AKAP19: variants seen among roughly 807,000 people sequenced by gnomAD.
AKAP19 encodes small A-kinase anchoring protein.
chr2:189,910,447 G>A, the AKAP19 span, among the ~76,000 whole-genome samples: 1 of 151,864 alleles, frequency 6.6e-6, no homozygotes, highest in Admixed American at 6.6e-5. Flanking sequence ...TTTCCTGAGA[G>A]TGAATATGGT....
the AKAP19 span, among the ~76,000 whole-genome samples, chr2:189,954,925 G>T: frequency 6.6e-6 from 1 of 152,050 alleles, no homozygotes; most frequent in Non-Finnish European, 1.5e-5. Flanking sequence ...AAACTATTCA[G>T]TTAGCAAATT....
At chr2:190,144,687 T>G in the AKAP19 span, among the ~76,000 whole-genome samples, 1 of 152,220 alleles carries the variant, frequency 6.6e-6, no homozygotes, top group Non-Finnish European at 1.5e-5. Context: ...ACATAAAAAT[T>G]TATTCTGGGC....
the AKAP19 span, among the ~76,000 whole-genome samples, chr2:190,092,583 A>T: frequency 6.6e-6 from 1 of 152,130 alleles, no homozygotes; most frequent in African/African-American, 2.4e-5. Context: ...GTAGGTTTGC[A>T]TAGACCTGTC....
At chr2:189,934,361 GA>G in the AKAP19 span, among the ~76,000 whole-genome samples, 11 of 152,018 alleles carry the variant, frequency 7.2e-5, no homozygotes, top group African/African-American at 2.4e-4. Flanking sequence ...AATTTGTAAT[GA>G]ACAGATGCAG....
the AKAP19 span, among the ~76,000 whole-genome samples, chr2:189,953,559 T>C: frequency 6.8e-6 from 1 of 146,414 alleles, no homozygotes; most frequent in South Asian, 2.1e-4. Context: ...TCTTGAACCT[T>C]GGAGGCGGAA....
the AKAP19 span, among the ~76,000 whole-genome samples, chr2:190,109,557 C>A: frequency 7.2e-5 from 11 of 151,838 alleles, no homozygotes; most frequent in Non-Finnish European, 1.3e-4. Context: ...GGGAGGGGGA[C>A]TCTTGCCGAT....
At chr2:190,125,080 C>T in the AKAP19 span, among the ~76,000 whole-genome samples, 58 of 152,154 alleles carry the variant, frequency 3.8e-4, no homozygotes, top group African/African-American at 1.4e-3. Flanking sequence ...CCTGAAGGAC[C>T]TTCTGGAGGC....
chr2:190,031,963 T>C, the AKAP19 span, among the ~76,000 whole-genome samples: 1,571 of 152,338 alleles, frequency 0.01, 21 homozygotes, highest in African/African-American at 0.036. Context: ...ATCTTCAGTG[T>C]TTATCATTAT....
chr2:189,953,158 T>A, the AKAP19 span, among the ~76,000 whole-genome samples: 2 of 152,068 alleles, frequency 1.3e-5, no homozygotes, highest in African/African-American at 4.8e-5. Flanking sequence ...ATAGGGAAAG[T>A]GGGGACAGGC....
At chr2:190,199,893 A>G in the AKAP19 span, 141 of 1,613,944 alleles carry the variant, frequency 8.7e-5, no homozygotes, top group East Asian at 3.0e-3. Flanking sequence ...AAACTTTCCC[A>G]TTTCCTACCA....
the AKAP19 span, among the ~76,000 whole-genome samples, chr2:190,126,590 A>G: frequency 6.6e-6 from 1 of 151,982 alleles, no homozygotes; most frequent in African/African-American, 2.4e-5. Flanking sequence ...GTTTTATTTT[A>G]TGTTCTATAA....
chr2:189,955,305 G>GT, the AKAP19 span, among the ~76,000 whole-genome samples: 1,807 of 151,548 alleles, frequency 0.012, 29 homozygotes, highest in African/African-American at 0.041. Flanking sequence ...TTTGTTTTTT[G>GT]TTTTTTTTGC....
the AKAP19 span, among the ~76,000 whole-genome samples, chr2:189,942,268 A>G: frequency 6.6e-6 from 1 of 150,784 alleles, no homozygotes; most frequent in South Asian, 2.1e-4. Flanking sequence ...TCACCTCCCC[A>G]CTCAACTCTG....
At chr2:190,045,127 C>T in the AKAP19 span, among the ~76,000 whole-genome samples, 2 of 152,082 alleles carry the variant, frequency 1.3e-5, no homozygotes, top group African/African-American at 2.4e-5. Flanking sequence ...GATTACAAAT[C>T]TCTATCAGCC....
chr2:190,113,746 G>A, the AKAP19 span, among the ~76,000 whole-genome samples: 1 of 152,152 alleles, frequency 6.6e-6, no homozygotes, highest in East Asian at 1.9e-4. Context: ...CCTCCCTGGT[G>A]GATGGAGTCC....
At chr2:190,179,010 A>G in the AKAP19 span, among the ~76,000 whole-genome samples, 1 of 152,216 alleles carries the variant, frequency 6.6e-6, no homozygotes, top group African/African-American at 2.4e-5. This position sits in a 1 kb window ranked among gnomAD's most constrained non-coding sequence, Gnocchi z 6.0. Context: ...ACTAGGCCTA[A>G]AAGTGGAACC....
chr2:190,166,630 A>T, the AKAP19 span, among the ~76,000 whole-genome samples: 1 of 152,158 alleles, frequency 6.6e-6, no homozygotes, highest in Non-Finnish European at 1.5e-5. Context: ...GAAAATCTAT[A>T]TAAGTTATCA....
At chr2:190,171,292 A>G in the AKAP19 span, among the ~76,000 whole-genome samples, 4,785 of 152,272 alleles carry the variant, frequency 0.031, 111 homozygotes, top group African/African-American at 0.063. Flanking sequence ...CTGAAGGTGA[A>G]GGAAGGCCTG....
chr2:190,200,001 A>G, the AKAP19 span: 1 of 1,614,116 alleles, frequency 6.2e-7, no homozygotes. Flanking sequence ...TCAAAGAGGA[A>G]GTGAAGGAAC....
Sources: gnomAD v4.1 joint callset for allele counts (sites outside exome capture counted in the v4.1 genomes callset) on GRCh38, gnomAD v4.1.1 for gene constraint, Gnocchi (gnomAD v3.1) non-coding constraint, MANE v1.5 for transcripts, NCBI Gene and HGNC (gene_info 2026-07-23, HGNC 2026-07-21) for gene names.